TCF20: variants seen among roughly 807,000 people sequenced by gnomAD.
TCF20 encodes SPRE-binding protein.
A neutral mutation model predicts 148.6 loss-of-function variants in TCF20; 3 were observed. That is an observed-to-expected ratio of 0.02 (90% CI 0.01 to 0.05). The LOEUF (loss-of-function observed/expected upper bound fraction) is 0.05. Ranked by LOEUF, TCF20 falls within the 10% of genes least tolerant of loss-of-function variation. The pLI, the probability that TCF20 is intolerant of heterozygous loss-of-function variation, is 1.00. For synonymous variants in TCF20, 1,049 were observed against 909.5 expected, an observed-to-expected ratio of 1.15 and a Z score of -2.76; for missense variants, 2,350 against 2,429.3, an observed-to-expected ratio of 0.97 and a Z score of 0.69.
At chr22:42,222,788 T>C (rs944684389) in intron 1 of TCF20, among the ~76,000 whole-genome samples, 11 of 152,224 alleles carry the variant, frequency 7.2e-5, no homozygotes, top group Non-Finnish European at 1.5e-4. Flanking sequence ...TGGCTTTACC[T>C]TGCTTAGTAA....
chr22:42,250,209 C>T (rs115379363), intron 1 of TCF20, among the ~76,000 whole-genome samples: 2,651 of 152,132 alleles, frequency 0.017, 83 homozygotes, highest in African/African-American at 0.059. Flanking sequence ...GAGGCCAAGG[C>T]GGGCAGATCA....
chr22:42,290,089 G>A lies in TCF20; in HGVS notation c.-37+53390C>T, dbSNP rs942031868. 6.6e-6 allele frequency among the ~76,000 whole-genome samples: 1 copy of A among 152,298 alleles called. No individual in the cohort carries two copies. The highest frequency in any genetic ancestry group is 2.1e-4 in the South Asian group (1 of 4,824). On this transcript the variant is annotated intron_variant, in intron 1 of 1. Coordinates refer to the TCF20 transcript ENST00000515426. This position sits in a 1 kb window ranked among gnomAD's most constrained non-coding sequence, Gnocchi z 4.2. ...GCACGCATGCGCCCCCTGCACCGCCGGCTGCTGCTTGGGGAGCGGGGGTCA... is the reference window on the plus strand; with the variant it reads ...GCACGCATGCGCCCCCTGCACCGCCAGCTGCTGCTTGGGGAGCGGGGGTCA...
At chr22:42,303,102 G>A (rs780206958) in intron 1 of TCF20, among the ~76,000 whole-genome samples, 9 of 152,180 alleles carry the variant, frequency 5.9e-5, no homozygotes, top group Non-Finnish European at 1.2e-4. Flanking sequence ...GATAATTTTT[G>A]TATTTTTAGT....
At chr22:42,301,305 A>G (rs1036406447) in intron 1 of TCF20, among the ~76,000 whole-genome samples, 62 of 152,302 alleles carry the variant, frequency 4.1e-4, no homozygotes, top group African/African-American at 1.5e-3. Flanking sequence ...TTTGCTGAGC[A>G]CTTACTCTGT....
At chr22:42,205,847 C>T (rs918676591) in intron 2 of TCF20, among the ~76,000 whole-genome samples, 5 of 152,230 alleles carry the variant, frequency 3.3e-5, no homozygotes, top group Non-Finnish European at 7.3e-5. Flanking sequence ...TCTTGGCTCA[C>T]TGCAACCTCC....
At chr22:42,272,678 C>T (rs952564937), upstream of TCF20, among the ~76,000 whole-genome samples, 2 of 152,238 alleles carry the variant, frequency 1.3e-5, no homozygotes, top group Admixed American at 6.5e-5. Context: ...GAAACTTCCC[C>T]AGTCCTTGGA....
chr22:42,245,740 A>T (rs1924849602), intron 1 of TCF20, among the ~76,000 whole-genome samples: 1 of 152,080 alleles, frequency 6.6e-6, no homozygotes, highest in Admixed American at 6.6e-5. Context: ...AATGTTTTCT[A>T]GCGCCTTTCC....
chr22:42,160,160 A>T lies in TCF20; in HGVS notation c.*1243T>A, dbSNP rs545844755. ...TGCACTAACCCCTTCTTAAGGCCAT[A>T]ACAAGATTTTTTTGTACTTTTTTCT... On this transcript the variant is annotated 3_prime_UTR_variant, in exon 6 of 6. Transcript: ENST00000677622. 5.9e-5 allele frequency: 9 copies of T among 152,614 alleles called. No individual in the cohort carries two copies. Among genetic ancestry groups the T allele is most frequent in the Non-Finnish European group, 1.2e-4 (8 of 68,028 alleles). The allele number at this position is 152,614 out of a possible 1,614,324, so 9.5% of individuals were successfully genotyped here.
intron 1 of TCF20, among the ~76,000 whole-genome samples, chr22:42,236,159 C>T (rs1923864413): frequency 6.6e-6 from 1 of 151,880 alleles, no homozygotes; most frequent in Non-Finnish European, 1.5e-5. Flanking sequence ...GCCTGGGTGA[C>T]AGTGAGATTC....
intron 2 of TCF20, among the ~76,000 whole-genome samples, chr22:42,188,522 G>C (rs1312604114): frequency 6.6e-6 from 1 of 152,064 alleles, no homozygotes; most frequent in Non-Finnish European, 1.5e-5. Flanking sequence ...CCTTATTAAT[G>C]TGTCAATCCT....
At chr22:42,186,820 A>G (rs1189223587) in intron 2 of TCF20, among the ~76,000 whole-genome samples, 1 of 152,274 alleles carries the variant, frequency 6.6e-6, no homozygotes, top group African/African-American at 2.4e-5. Flanking sequence ...AGCATTTTGC[A>G]TTACAAGAAA....
intron 1 of TCF20, among the ~76,000 whole-genome samples, chr22:42,244,358 A>C (rs1468402075): frequency 6.6e-6 from 1 of 152,234 alleles, no homozygotes; most frequent in Non-Finnish European, 1.5e-5. Flanking sequence ...GCACTATTCA[A>C]AATAGCCAAA....
In TCF20 at chr22:42,292,372, T is replaced by C. The variant is rs143844878; in HGVS notation, c.-37+51107A>G. ...GTCAAGGATGCCACAGAAGGAGCCCTTTCTGGCCTCATCCTGCCCTGCAGT... is the reference window on the plus strand; with the variant it reads ...GTCAAGGATGCCACAGAAGGAGCCCCTTCTGGCCTCATCCTGCCCTGCAGT... On this transcript the variant is annotated intron_variant, in intron 1 of 1. Coordinates refer to the TCF20 transcript ENST00000515426. The surrounding 1 kb of genome is among the most constrained non-coding windows in gnomAD (Gnocchi z 4.9). 5.0e-4 allele frequency among the ~76,000 whole-genome samples: 76 copies of C among 152,300 alleles called. No homozygotes were observed. The East Asian group carries it at 0.014, about 29-fold the overall frequency.
chr22:42,229,633 GCTCA>G (rs1923219519), intron 1 of TCF20, among the ~76,000 whole-genome samples: 1 of 152,156 alleles, frequency 6.6e-6, no homozygotes, highest in Non-Finnish European at 1.5e-5. Context: ...CAACCATACT[GCTCA>G]CTATTGGCCA....
At chr22:42,246,890 T>C (rs1924955167) in intron 1 of TCF20, among the ~76,000 whole-genome samples, 1 of 146,670 alleles carries the variant, frequency 6.8e-6, no homozygotes, top group Non-Finnish European at 1.5e-5. Flanking sequence ...TGCTTGAACC[T>C]GGGAAGCAGG....
chr22:42,184,557 T>A (rs967688894), intron 2 of TCF20, among the ~76,000 whole-genome samples: 1 of 152,162 alleles, frequency 6.6e-6, no homozygotes, highest in Admixed American at 6.5e-5. Context: ...ATGCTACAAA[T>A]AATATATTAA....
At chr22:42,204,060 A>AT (rs1322297668) in intron 2 of TCF20, among the ~76,000 whole-genome samples, 1 of 152,188 alleles carries the variant, frequency 6.6e-6, no homozygotes, top group African/African-American at 2.4e-5. Flanking sequence ...ATGTGATTTC[A>AT]TTTTCATAAT....
intron 1 of TCF20, among the ~76,000 whole-genome samples, chr22:42,264,370 C>T (rs936226301): frequency 1.9e-4 from 29 of 152,152 alleles, no homozygotes; most frequent in African/African-American, 6.8e-4. Flanking sequence ...TACATCTCCA[C>T]ATTTTTTATC....
Position 42,323,903 on chromosome 22 carries a change from AGGT to A in TCF20, c.-37+19573_-37+19575del, listed in dbSNP as rs1213080967. Reference sequence around the variant, plus strand: ...GTGGTGATGGAGGTTATGGTGGTGGAGGTGGTGGTGGTGATGGAGGTTATGGTG... The same window carrying A: ...GTGGTGATGGAGGTTATGGTGGTGGAGGTGGTGGTGATGGAGGTTATGGTG... On this transcript the variant is annotated intron_variant, in intron 1 of 1. Transcript: ENST00000515426. 1.9e-3 allele frequency among the ~76,000 whole-genome samples: 32 copies of A among 16,864 alleles called. 2 individuals carry two copies. The highest frequency in any genetic ancestry group is 4.2e-3 in the African/African-American group (18 of 4,264). 11.1% of individuals were successfully genotyped at this position (16,864 alleles called of 152,430 possible).
Sources: gnomAD v4.1 joint callset for allele counts (sites outside exome capture counted in the v4.1 genomes callset) on GRCh38, gnomAD v4.1.1 for gene constraint, Gnocchi (gnomAD v3.1) non-coding constraint, MANE v1.5 for transcripts, NCBI Gene and HGNC (gene_info 2026-07-23, HGNC 2026-07-21) for gene names.